Variants in BCAS1 observed in about 807,000 individuals in gnomAD.
BCAS1 encodes brain enriched myelin associated protein 1.
A neutral mutation model predicts 65.4 loss-of-function variants in BCAS1; 46 were observed. The ratio of observed to expected loss-of-function variants is 0.70; its 90% CI spans 0.55 to 0.90. BCAS1 has a LOEUF of 0.90. Ranked by LOEUF, BCAS1 falls within the 40% of genes least tolerant of loss-of-function variation. The pLI is 0.00. For missense variants in BCAS1, 793 were observed against 771.2 expected (o/e 1.03, Z -0.33); for synonymous variants, 298 against 293.5 (o/e 1.02, Z -0.16).
chr20:53,959,252 A>G (rs554142692), intron 10 of BCAS1, among the ~76,000 whole-genome samples: 43 of 148,554 alleles, frequency 2.9e-4, no homozygotes, highest in Admixed American at 8.0e-4. Flanking sequence ...CACCATGTCC[A>G]GCTATTTTTT....
intron 7 of BCAS1, among the ~76,000 whole-genome samples, chr20:53,987,681 A>G (rs1202020107): frequency 6.6e-6 from 1 of 152,224 alleles, no homozygotes; most frequent in Non-Finnish European, 1.5e-5. Context: ...TTCAACTGTA[A>G]TAAGTGCTAC....
At chr20:54,065,516 C>CAT (rs937998474) in intron 1 of BCAS1, among the ~76,000 whole-genome samples, 2 of 152,182 alleles carry the variant, frequency 1.3e-5, no homozygotes, top group African/African-American at 2.4e-5. Flanking sequence ...GACGCTGCTA[C>CAT]ATACCCTGCA....
Position 54,058,178 on chromosome 20 carries a change from T to A in BCAS1, c.73-24A>T, listed in dbSNP as rs766530249. On this transcript the variant is annotated intron_variant, in intron 2 of 12. Coordinates refer to ENST00000688948, the MANE Select transcript of BCAS1 (RefSeq NM_001366298.2). ...TCCTGAAACAGAGCACGTGGCATTG[T>A]GAGACAAATCTTCGGGGGAAAATCA... The A allele has an allele frequency of 3.1e-6, 5 of 1,609,562 alleles. No individual in the cohort carries two copies. In the Admixed American group the frequency reaches 8.3e-5, roughly 27 times the overall value.
intron 8 of BCAS1, among the ~76,000 whole-genome samples, chr20:53,982,242 C>T (rs1463660077): frequency 6.6e-6 from 1 of 152,128 alleles, no homozygotes; most frequent in Non-Finnish European, 1.5e-5. Context: ...GGAAAAGAAA[C>T]TCAAATAGTG....
chr20:54,021,458 T>C (rs2091557527), intron 4 of BCAS1, among the ~76,000 whole-genome samples: 1 of 121,904 alleles, frequency 8.2e-6, no homozygotes, highest in East Asian at 2.3e-4. Context: ...ATGTACCACA[T>C]TTTCTTTACC....
intron 3 of BCAS1, among the ~76,000 whole-genome samples, chr20:54,041,909 C>CAAA (rs796435949): frequency 1.8e-4 from 14 of 79,756 alleles, no homozygotes; most frequent in Admixed American, 6.7e-4. Context: ...CTGTCTCCCC[C>CAAA]AAAAAAAAAA....
intron 8 of BCAS1, among the ~76,000 whole-genome samples, chr20:53,980,563 T>C (rs577388809): frequency 2.0e-5 from 3 of 152,226 alleles, no homozygotes; most frequent in Non-Finnish European, 4.4e-5. Context: ...AGTATTCAAA[T>C]GGAAACCAAT....
intron 1 of BCAS1, among the ~76,000 whole-genome samples, chr20:54,062,850 A>G (rs1000845958): frequency 6.6e-6 from 1 of 152,238 alleles, no homozygotes; most frequent in African/African-American, 2.4e-5. Context: ...GATATAATGC[A>G]TGTGTCGTGA....
chr20:53,981,209 T>C (rs1244553069), intron 8 of BCAS1, among the ~76,000 whole-genome samples: 1 of 152,188 alleles, frequency 6.6e-6, no homozygotes, highest in East Asian at 1.9e-4. Context: ...CTGAGTCCAT[T>C]AACTTCACAG....
chr20:53,987,500 A>T (rs2090644126), intron 7 of BCAS1, among the ~76,000 whole-genome samples: 1 of 152,232 alleles, frequency 6.6e-6, no homozygotes, highest in South Asian at 2.1e-4. Context: ...TAACACACAC[A>T]TGCTAAGTAG....
At chr20:54,001,944 T>C (rs1023849358) in intron 4 of BCAS1, among the ~76,000 whole-genome samples, 5 of 152,162 alleles carry the variant, frequency 3.3e-5, no homozygotes, top group Non-Finnish European at 7.4e-5. Context: ...CTGTGACTAC[T>C]CTACCCAGTG....
intron 10 of BCAS1, among the ~76,000 whole-genome samples, chr20:53,963,354 G>A (rs978218636): frequency 1.3e-5 from 2 of 151,786 alleles, no homozygotes; most frequent in African/African-American, 4.8e-5. Flanking sequence ...GTTGGCATAC[G>A]CTTGTAATCC....
At chr20:54,001,802 C>A (rs985104046) in intron 4 of BCAS1, among the ~76,000 whole-genome samples, 2 of 152,310 alleles carry the variant, frequency 1.3e-5, no homozygotes, top group East Asian at 1.9e-4. Flanking sequence ...TCTCTATTGC[C>A]ATTCCCCTGT....
At chr20:53,980,431 C>A (rs988617163) in intron 8 of BCAS1, among the ~76,000 whole-genome samples, 19 of 152,054 alleles carry the variant, frequency 1.2e-4, no homozygotes, top group African/African-American at 4.6e-4. Flanking sequence ...TGCAATTGCA[C>A]AGAGCTGAAA....
intron 1 of BCAS1, among the ~76,000 whole-genome samples, chr20:54,059,362 G>A (rs1369144427): frequency 6.6e-6 from 1 of 150,834 alleles, no homozygotes; most frequent in African/African-American, 2.4e-5. Context: ...AGTGTAGATA[G>A]CATTTTTTTC....
At chr20:53,996,737 A>T (rs1468196481) in intron 4 of BCAS1, among the ~76,000 whole-genome samples, 1 of 151,998 alleles carries the variant, frequency 6.6e-6, no homozygotes, top group African/African-American at 2.4e-5. Flanking sequence ...TGACCCTCAC[A>T]ATACATTCTT....
chr20:54,058,223 C>T lies in BCAS1; in HGVS notation c.73-69G>A, dbSNP rs1406727471. 4 of 1,360,514 alleles carry T rather than the reference C, an allele frequency of 2.9e-6. No individual in the cohort carries two copies. The African/African-American group carries it at 4.3e-5, about 15-fold the overall frequency. 84.3% of individuals were successfully genotyped at this position (1,360,514 alleles called of 1,614,324 possible). On this transcript the variant is annotated intron_variant, in intron 2 of 12. Transcript: ENST00000688948. ...AAATCAGAAGAACTCAAGGAAGAACCTCTAAGATACAAGGGTGTCTCACAA... is the reference window on the plus strand; with the variant it reads ...AAATCAGAAGAACTCAAGGAAGAACTTCTAAGATACAAGGGTGTCTCACAA...
Position 53,953,697 on chromosome 20 carries a change from T to A in BCAS1, c.1552-2A>T, listed in dbSNP as rs2089605502. On this transcript the variant is annotated splice_acceptor_variant, in intron 11 of 12. Transcript: ENST00000688948. LOFTEE classifies it high-confidence loss of function. ...AGTCTTTTCTGTGGAGTCTGATGTC[T>A]ACAGCAATTTCAAACAAAGTACATT... 1 of 1,605,856 alleles carries A rather than the reference T, an allele frequency of 6.2e-7. No homozygotes were observed.
At chr20:54,054,433 G>T (rs1373422852) in intron 3 of BCAS1, among the ~76,000 whole-genome samples, 1 of 152,040 alleles carries the variant, frequency 6.6e-6, no homozygotes, top group East Asian at 1.9e-4. Context: ...CAAAAGACAT[G>T]GTCAAATAAT....
Sources: allele counts gnomAD v4.1 joint callset (sites outside exome capture counted in the v4.1 genomes callset), GRCh38; gene constraint gnomAD v4.1.1; transcripts MANE v1.5; gene names NCBI Gene and HGNC (gene_info 2026-07-23, HGNC 2026-07-21).